PLEKHA7: variants seen among roughly 807,000 people sequenced by gnomAD.
PLEKHA7 encodes the protein pleckstrin homology domain containing A7.
A neutral mutation model predicts 170.0 loss-of-function variants in PLEKHA7; 104 were observed. The observed-to-expected ratio is 0.61, with a 90% CI of 0.52 to 0.72. PLEKHA7 has a LOEUF of 0.72. Ranked by LOEUF, PLEKHA7 falls within the 30% of genes least tolerant of loss-of-function variation. PLEKHA7 has a pLI of 0.00. For missense variants in PLEKHA7, 1,615 were observed against 1,671.7 expected, an observed-to-expected ratio of 0.97 and a Z score of 0.59; for synonymous variants, 648 against 660.8, an observed-to-expected ratio of 0.98 and a Z score of 0.30.
At chr11:16,847,817 G>A (rs1286487196) in intron 8 of PLEKHA7, among the ~76,000 whole-genome samples, 3 of 145,830 alleles carry the variant, frequency 2.1e-5, no homozygotes, top group South Asian at 2.2e-4. Context: ...ACTCCAGCCC[G>A]GGCGACAAGA....
At chr11:16,893,178 CA>C (rs1856785970) in intron 3 of PLEKHA7, among the ~76,000 whole-genome samples, 1 of 152,208 alleles carries the variant, frequency 6.6e-6, no homozygotes. Flanking sequence ...TCAGGGAACT[CA>C]GGCATAGGAT....
chr11:16,816,182 T>A lies in PLEKHA7; in HGVS notation c.1949A>T (p.Lys650Ile). ...HTVSAPSLHG[K>I]SADDTYLQLK... ...ATGTCTTGTCATTCACCCTACCGAT[T>A]TTCCATGTAAACTGGGAGCGCTGAC... Residue 650 changes from lysine (K) to isoleucine (I), a missense_variant, in exon 12 of 27, where the codon AAA becomes ATA. Transcript: ENST00000531066. The A allele has an allele frequency of 2.5e-6, 4 of 1,611,500 alleles. No individual in the cohort carries two copies. Among genetic ancestry groups the A allele is most frequent in the Non-Finnish European group, 3.4e-6 (4 of 1,177,610 alleles).
chr11:16,918,714 T>C (rs1302958161), intron 3 of PLEKHA7, among the ~76,000 whole-genome samples: 3 of 152,140 alleles, frequency 2.0e-5, no homozygotes, highest in African/African-American at 7.2e-5. Context: ...TAACCACACA[T>C]TGCTCACACC....
chr11:17,002,811 C>T (rs1041066363), intron 3 of PLEKHA7, among the ~76,000 whole-genome samples: 6 of 151,930 alleles, frequency 3.9e-5, no homozygotes, highest in Admixed American at 3.3e-4. Flanking sequence ...AGAGGTAAAC[C>T]AGGGGCCACT....
chr11:16,999,800 C>A (rs1475446336), intron 3 of PLEKHA7, among the ~76,000 whole-genome samples: 1 of 152,188 alleles, frequency 6.6e-6, no homozygotes, highest in Non-Finnish European at 1.5e-5. Context: ...GACAGAGAAG[C>A]TGAAGCTCAG....
chr11:16,824,607 C>G (rs1850491721), intron 10 of PLEKHA7, among the ~76,000 whole-genome samples: 1 of 152,216 alleles, frequency 6.6e-6, no homozygotes. Flanking sequence ...GCTGTTTCAA[C>G]CTCCAAAATG....
chr11:16,948,622 A>G (rs1861201517), intron 3 of PLEKHA7, among the ~76,000 whole-genome samples: 1 of 137,220 alleles, frequency 7.3e-6, no homozygotes, highest in Non-Finnish European at 1.5e-5. Flanking sequence ...ATGCACACAC[A>G]TGTGCACACA....
At chr11:16,843,540 T>C (rs1189167940) in intron 8 of PLEKHA7, among the ~76,000 whole-genome samples, 1 of 152,266 alleles carries the variant, frequency 6.6e-6, no homozygotes, top group Non-Finnish European at 1.5e-5. Context: ...AGGATCCCTA[T>C]AGTGGCTGAA....
chr11:16,910,626 T>C (rs544813866), intron 3 of PLEKHA7, among the ~76,000 whole-genome samples: 7 of 152,334 alleles, frequency 4.6e-5, no homozygotes, highest in South Asian at 2.1e-4. Context: ...CAGGGGACAT[T>C]TGATAATGCC....
Position 16,782,422 on chromosome 11 carries a change from G to A in PLEKHA7, c.3793+332C>T, listed in dbSNP as rs575806923. ...TGAGGTCAGAAACCTTGGCCCCTTG[G>A]CTCAGCACCTTGAAAAACCTGTTCT... On this transcript the variant is annotated intron_variant, in intron 26 of 26. Coordinates refer to ENST00000531066, the MANE Select transcript of PLEKHA7 (RefSeq NM_001329630.2). 2.3e-4 allele frequency among the ~76,000 whole-genome samples: 35 copies of A among 152,270 alleles called. 1 individual carries two copies. In the South Asian group the frequency reaches 7.3e-3, roughly 32 times the overall value.
chr11:16,896,002 C>A (rs1021953056), intron 3 of PLEKHA7, among the ~76,000 whole-genome samples: 1 of 152,178 alleles, frequency 6.6e-6, no homozygotes, highest in African/African-American at 2.4e-5. Context: ...GAAGACTAAA[C>A]AGGATACACG....
rs1007367279 is a variant in PLEKHA7, at chr11:16,841,462, G to A, written c.872+85C>T. ...AATGCTTAATACAAGTGAGTAAATG[G>A]AATCTCAGGCACCCAAGAGGACCTA... On this transcript the variant is annotated intron_variant, in intron 9 of 26. Transcript: ENST00000531066. 3 of 1,425,822 alleles carry A rather than the reference G, an allele frequency of 2.1e-6. No homozygotes were observed. In the African/African-American group the frequency reaches 4.3e-5, roughly 20 times the overall value. 88.3% of individuals were successfully genotyped at this position (1,425,822 alleles called of 1,614,324 possible). A position where few individuals can be genotyped will look rare whatever the true frequency, so the allele number is the denominator to read the frequency against.
intron 3 of PLEKHA7, among the ~76,000 whole-genome samples, chr11:16,963,481 T>C (rs1293025212): frequency 6.6e-6 from 1 of 152,192 alleles, no homozygotes; most frequent in Non-Finnish European, 1.5e-5. Flanking sequence ...TACCTGTTTC[T>C]GCAAATCAGA....
intron 3 of PLEKHA7, among the ~76,000 whole-genome samples, chr11:16,953,556 A>G (rs1015920964): frequency 1.3e-5 from 2 of 152,252 alleles, no homozygotes; most frequent in African/African-American, 4.8e-5. Flanking sequence ...TCTGGATCAC[A>G]TGCTTGACAG....
At chr11:16,872,544 G>A (rs991778378) in intron 3 of PLEKHA7, among the ~76,000 whole-genome samples, 5 of 151,994 alleles carry the variant, frequency 3.3e-5, no homozygotes, top group African/African-American at 1.2e-4. Flanking sequence ...TTTTTTGACC[G>A]GGTCCCGCTC....
intron 3 of PLEKHA7, among the ~76,000 whole-genome samples, chr11:16,875,367 T>C (rs1446334668): frequency 2.0e-5 from 3 of 151,038 alleles, no homozygotes; most frequent in Non-Finnish European, 4.4e-5. Context: ...TTTTTTTTTT[T>C]CAAAAAGACT....
intron 3 of PLEKHA7, among the ~76,000 whole-genome samples, chr11:16,919,394 G>A (rs1858923850): frequency 6.6e-6 from 1 of 152,110 alleles, no homozygotes; most frequent in Non-Finnish European, 1.5e-5. Flanking sequence ...AAAATAAAAA[G>A]AACCAGATGC....
chr11:16,909,466 C>A (rs148481639), intron 3 of PLEKHA7, among the ~76,000 whole-genome samples: 2,413 of 152,326 alleles, frequency 0.016, 20 homozygotes, highest in Non-Finnish European at 0.021. Flanking sequence ...ATGGCAACAT[C>A]TGAAGGAAAA....
At chr11:16,931,263 G>A (rs1859902167) in intron 3 of PLEKHA7, among the ~76,000 whole-genome samples, 1 of 152,142 alleles carries the variant, frequency 6.6e-6, no homozygotes, top group Admixed American at 6.5e-5. Context: ...CAAAAGTCTA[G>A]AGTGAGCCCA....
Sources: allele counts gnomAD v4.1 joint callset (sites outside exome capture counted in the v4.1 genomes callset), GRCh38; gene constraint gnomAD v4.1.1; transcripts MANE v1.5; gene names NCBI Gene and HGNC (gene_info 2026-07-23, HGNC 2026-07-21).